The following PARVB variants were observed in gnomAD, a reference collection of about 807,000 sequenced individuals.
The protein encoded by PARVB is beta-parvin.
A neutral mutation model predicts 47.0 loss-of-function variants in PARVB; 46 were observed. The observed-to-expected ratio is 0.98, with a 90% CI of 0.77 to 1.25. The LOEUF (loss-of-function observed/expected upper bound fraction) is 1.25. Among genes scored for constraint, PARVB ranks in the 50% most tolerant of loss-of-function variants. The probability of loss-of-function intolerance (pLI) is 0.00; values close to 1 mark genes in which losing one functional copy is unlikely to be tolerated. For synonymous variants in PARVB, 196 were observed against 196.3 expected (o/e 1.00, Z 0.01); for missense variants, 473 against 471.6 (o/e 1.00, Z -0.03).
rs1035593183 is a variant in PARVB, at chr22:44,068,739, TCTC to T, written c.113-25186_113-25184del. ...GCCAGCTTGCAGACCCCCAATCACT[TCTC>T]CTGTCTCAGGGCCCAGAGAGCAAAG... is the stretch of plus-strand genomic sequence containing the variant. On this transcript the variant is annotated intron_variant, in intron 1 of 12. Transcript: ENST00000338758. This position sits in a 1 kb window ranked among gnomAD's most constrained non-coding sequence, Gnocchi z 4.1. Among the ~76,000 whole-genome samples, 6 of 152,150 alleles carry T rather than the reference TCTC, an allele frequency of 3.9e-5. No homozygotes were observed. The highest frequency in any genetic ancestry group is 1.4e-4 in the African/African-American group (6 of 41,518).
intron 1 of PARVB, among the ~76,000 whole-genome samples, chr22:44,075,639 C>T (rs1460239734): frequency 6.6e-6 from 1 of 152,234 alleles, no homozygotes; most frequent in Non-Finnish European, 1.5e-5. Flanking sequence ...CTGCTCCTTT[C>T]ACTGTCTCCG....
In PARVB at chr22:44,165,191, T is replaced by A. The variant is rs533911135; in HGVS notation, c.1018+1261T>A. 7.2e-5 allele frequency among the ~76,000 whole-genome samples: 11 copies of A among 152,298 alleles called. No homozygotes were observed. The East Asian group carries it at 1.7e-3, about 24-fold the overall frequency. The stretch of plus-strand genomic sequence containing the variant: ...ACTTTTCTTTTTTGTAGAGACAAGG[T>A]CTCACTATGTTGCCCAGACTGGTCT... On this transcript the variant is annotated intron_variant, in intron 12 of 12. Transcript: ENST00000338758.
At chr22:44,113,855 C>T (rs1292516600) in intron 3 of PARVB, 4 of 55,394 alleles carry the variant, frequency 7.2e-5, no homozygotes, top group Admixed American at 1.6e-4. Flanking sequence ...AACACAGATA[C>T]ATTGTTACTA....
rs940050946 is a variant in PARVB, at chr22:44,049,480, A to G, written c.112+25029A>G. ...ATTTGGATTTGCTCCACTCTTTTTC[A>G]CGGGCATAAAAATATCTGCGGAGTG... On this transcript the variant is annotated intron_variant, in intron 1 of 12. Coordinates refer to ENST00000338758, the MANE Select transcript of PARVB (RefSeq NM_013327.5). The surrounding 1 kb of genome is among the most constrained non-coding windows in gnomAD (Gnocchi z 4.0). 1.3e-5 allele frequency among the ~76,000 whole-genome samples: 2 copies of G among 152,170 alleles called. No homozygotes were observed. The highest frequency in any genetic ancestry group is 1.3e-4 in the Admixed American group (2 of 15,280).
chr22:44,118,104 C>T (rs2052953004), intron 3 of PARVB, among the ~76,000 whole-genome samples: 1 of 152,108 alleles, frequency 6.6e-6, no homozygotes, highest in African/African-American at 2.4e-5. Flanking sequence ...AGACTTGTAC[C>T]TGAATGTTCA....
chr22:44,044,791 G>A (rs2146925866), intron 1 of PARVB, among the ~76,000 whole-genome samples: 1 of 152,286 alleles, frequency 6.6e-6, no homozygotes, highest in Admixed American at 6.5e-5. Flanking sequence ...TGGCTTGGGA[G>A]AGCAACTTTT....
chr22:44,039,662 T>C (rs936908753), intron 1 of PARVB, among the ~76,000 whole-genome samples: 1 of 152,034 alleles, frequency 6.6e-6, no homozygotes. Flanking sequence ...AGTAGGTGAA[T>C]GGATACACGG....
At chr22:44,131,694 A>T in intron 5 of PARVB, 67 bp downstream of exon 5, 1 of 1,495,080 alleles carries the variant, frequency 6.7e-7, no homozygotes, top group Non-Finnish European at 9.0e-7. Flanking sequence ...TTCGTCATCC[A>T]CATTTGTCAT....
intron 1 of PARVB, among the ~76,000 whole-genome samples, chr22:44,071,065 G>C (rs1481849102): frequency 6.6e-6 from 1 of 152,176 alleles, no homozygotes; most frequent in Non-Finnish European, 1.5e-5. Flanking sequence ...TATCACTCCA[G>C]CGACATTTCC....
chr22:44,043,853 G>T (rs2051065659), intron 1 of PARVB, among the ~76,000 whole-genome samples: 1 of 152,100 alleles, frequency 6.6e-6, no homozygotes, highest in African/African-American at 2.4e-5. Flanking sequence ...GGTGAGGGCG[G>T]GTGGATCCGG....
intron 1 of PARVB, among the ~76,000 whole-genome samples, chr22:44,065,377 G>A (rs903253169): frequency 6.6e-6 from 1 of 151,902 alleles, no homozygotes; most frequent in Non-Finnish European, 1.5e-5. Flanking sequence ...AGCTGGTCTC[G>A]AACTCCTGGG....
At chr22:44,041,843 C>T (rs1372518655) in intron 1 of PARVB, among the ~76,000 whole-genome samples, 1 of 152,090 alleles carries the variant, frequency 6.6e-6, no homozygotes. Context: ...CGAGATTGCA[C>T]CACTACATTC....
intron 7 of PARVB, 157 bp from the exon 8 acceptor site, chr22:44,139,967 A>G: frequency 1.7e-5 from 6 of 356,844 alleles, no homozygotes; most frequent in Non-Finnish European, 1.0e-5. Flanking sequence ...GCTGGAACAC[A>G]GCACCATGTG....
In PARVB at chr22:44,125,432, C is replaced by A. The variant is rs1176534182; in HGVS notation, c.377-6055C>A. Among the ~76,000 whole-genome samples, 1 of 151,962 alleles carries A rather than the reference C, an allele frequency of 6.6e-6. No individual in the cohort carries two copies. Among genetic ancestry groups the A allele is most frequent in the African/African-American group, 2.4e-5 (1 of 41,362 alleles). On this transcript the variant is annotated intron_variant, in intron 4 of 12. Coordinates refer to ENST00000338758, the MANE Select transcript of PARVB (RefSeq NM_013327.5). This position sits in a 1 kb window ranked among gnomAD's most constrained non-coding sequence, Gnocchi z 4.1. ...TGATGTTTTAAAGGAATGACAAGTG[C>A]TAGGAGGAAAGTAATAGAAGGTTAT...
At chr22:44,092,261 C>T (rs2052186814) in intron 1 of PARVB, among the ~76,000 whole-genome samples, 1 of 152,130 alleles carries the variant, frequency 6.6e-6, no homozygotes, top group African/African-American at 2.4e-5. Context: ...CAGGCGCACG[C>T]CACCACGCCC....
chr22:44,121,646 G>T (rs1397213737), intron 4 of PARVB, among the ~76,000 whole-genome samples: 2 of 152,046 alleles, frequency 1.3e-5, no homozygotes, highest in Non-Finnish European at 2.9e-5. Context: ...TAATTAGATA[G>T]CAAAATCTGG....
intron 2 of PARVB, among the ~76,000 whole-genome samples, chr22:44,008,075 C>T (rs1037257138): frequency 3.9e-5 from 6 of 151,974 alleles, no homozygotes; most frequent in Non-Finnish European, 7.4e-5. Context: ...TTGTTTCTAC[C>T]TTTAGAGACA....
intron 1 of PARVB, among the ~76,000 whole-genome samples, chr22:44,058,986 G>A (rs73181213): frequency 6.6e-6 from 1 of 151,638 alleles, no homozygotes; most frequent in Non-Finnish European, 1.5e-5. Context: ...GTGATGGGGG[G>A]GGGAAACAGA....
intron 1 of PARVB, among the ~76,000 whole-genome samples, chr22:44,075,141 G>A (rs1481547153): frequency 1.3e-5 from 2 of 152,134 alleles, no homozygotes; most frequent in Non-Finnish European, 2.9e-5. Context: ...CCGCTGAGCT[G>A]AGAGGCTCCC....
Sources: allele counts gnomAD v4.1 joint callset (sites outside exome capture counted in the v4.1 genomes callset), GRCh38; gene constraint gnomAD v4.1.1; non-coding constraint Gnocchi (gnomAD v3.1); transcripts MANE v1.5; gene names NCBI Gene and HGNC (gene_info 2026-07-23, HGNC 2026-07-21).